Variants in SPATA6 observed in about 807,000 individuals in gnomAD.
SPATA6 encodes the protein spermatogenesis associated 6.
SPATA6 carries 56 observed loss-of-function variants against 65.3 expected under a neutral mutation model. The ratio of observed to expected loss-of-function variants is 0.86; its 90% confidence interval spans 0.69 to 1.07. The LOEUF (loss-of-function observed/expected upper bound fraction) is 1.07. Ranked by LOEUF, SPATA6 falls within the 50% of genes least tolerant of loss-of-function variation. The probability of loss-of-function intolerance (pLI) is 0.00; values close to 1 mark genes in which losing one functional copy is unlikely to be tolerated. For missense variants in SPATA6, 590 were observed against 594.8 expected, an observed-to-expected ratio of 0.99 and a Z score of 0.08; for synonymous variants, 199 against 213.2, an observed-to-expected ratio of 0.93 and a Z score of 0.58.
intron 1 of SPATA6, among the ~76,000 whole-genome samples, 197 bp downstream of exon 1, chr1:48,471,761 G>A (rs1658270977): frequency 6.6e-6 from 1 of 152,220 alleles, no homozygotes; most frequent in South Asian, 2.1e-4. Flanking sequence ...CGGAGCAGGG[G>A]TCAGGCCTCT....
chr1:48,316,821 A>C (rs932386859), intron 11 of SPATA6, among the ~76,000 whole-genome samples: 2 of 152,152 alleles, frequency 1.3e-5, no homozygotes, highest in Admixed American at 6.6e-5. Flanking sequence ...GCAATGAACT[A>C]AAACAAATTT....
At chr1:48,292,273 C>A (rs985681410), downstream of SPATA6, among the ~76,000 whole-genome samples, 5 of 152,188 alleles carry the variant, frequency 3.3e-5, no homozygotes, top group African/African-American at 1.2e-4. Context: ...GAGATGCCAA[C>A]TGCTGTAACC....
At chr1:48,360,049 G>C (rs1351412961) in intron 9 of SPATA6, among the ~76,000 whole-genome samples, 1 of 152,094 alleles carries the variant, frequency 6.6e-6, no homozygotes, top group African/African-American at 2.4e-5. Flanking sequence ...GGTTCGCATA[G>C]GGATGTGTGT....
At chr1:48,305,200 T>C (rs1645031876) in intron 12 of SPATA6, among the ~76,000 whole-genome samples, 1 of 152,214 alleles carries the variant, frequency 6.6e-6, no homozygotes, top group African/African-American at 2.4e-5. Flanking sequence ...GGAGCTTTGT[T>C]TCTTATGTTT....
chr1:48,465,777 C>A (rs78090886), intron 1 of SPATA6, among the ~76,000 whole-genome samples: 5,386 of 151,918 alleles, frequency 0.035, 310 homozygotes, highest in African/African-American at 0.12. Context: ...CATGATTTTC[C>A]AAAAAAAGTA....
In SPATA6 at chr1:48,453,102, G is replaced by T; in HGVS notation, c.81C>A (p.Asp27Glu). The change falls in exon 2 of 13, where the codon GAC becomes GAA. Residue 27 changes from aspartate (D) to glutamate (E), a missense_variant. By Grantham distance (45) the Asp-to-Glu change is conservative. Transcript: ENST00000371847. ...SVTCPGVVLK[D>E]KEDIYLSICV... ...AGATGCTAAGATAGATGTCCTCTTT[G>T]TCTTTAAGCACGACTCCTGGGCAAG... The T allele has an allele frequency of 6.2e-7, 1 of 1,613,116 alleles. No homozygotes were observed. Among genetic ancestry groups the T allele is most frequent in the Non-Finnish European group, 8.5e-7 (1 of 1,179,744 alleles).
intron 11 of SPATA6, among the ~76,000 whole-genome samples, chr1:48,349,929 G>A (rs1300949171): frequency 6.6e-6 from 1 of 151,862 alleles, no homozygotes; most frequent in Non-Finnish European, 1.5e-5. Flanking sequence ...AAATATTTGT[G>A]TACAAATTTT....
the SPATA6 span, among the ~76,000 whole-genome samples, chr1:48,278,996 T>TAC: frequency 1.3e-5 from 2 of 152,174 alleles, no homozygotes. Flanking sequence ...GCAGAAACTC[T>TAC]ACAAGCCAGA....
intron 11 of SPATA6, among the ~76,000 whole-genome samples, chr1:48,320,577 CT>C (rs1317945704): frequency 6.6e-6 from 1 of 152,198 alleles, no homozygotes; most frequent in Non-Finnish European, 1.5e-5. Context: ...AGCTGAGGGA[CT>C]TCGTCAACAG....
chr1:48,376,967 C>T (rs993390319), intron 9 of SPATA6, among the ~76,000 whole-genome samples: 10 of 152,124 alleles, frequency 6.6e-5, no homozygotes, highest in African/African-American at 2.2e-4. Flanking sequence ...TGTGGTCCAT[C>T]GCTGACCAAA....
At chr1:48,427,721 C>CT (rs1273916469) in intron 3 of SPATA6, among the ~76,000 whole-genome samples, 1 of 151,988 alleles carries the variant, frequency 6.6e-6, no homozygotes, top group Non-Finnish European at 1.5e-5. Flanking sequence ...CTCCATATAA[C>CT]TTTTTTTTAA....
chr1:48,303,339 C>A (rs1281337392), intron 12 of SPATA6, among the ~76,000 whole-genome samples: 3 of 152,012 alleles, frequency 2.0e-5, no homozygotes, highest in Non-Finnish European at 4.4e-5. Context: ...ACTATGGTCA[C>A]CCTACTGGGC....
At chr1:48,363,471 C>A (rs957571827) in intron 9 of SPATA6, among the ~76,000 whole-genome samples, 1 of 152,022 alleles carries the variant, frequency 6.6e-6, no homozygotes, top group South Asian at 2.1e-4. Flanking sequence ...TACCTATGAA[C>A]TGAAAACACA....
intron 11 of SPATA6, among the ~76,000 whole-genome samples, chr1:48,316,138 C>T (rs1424707860): frequency 6.6e-6 from 1 of 152,156 alleles, no homozygotes; most frequent in African/African-American, 2.4e-5. Context: ...ATGCCAACCC[C>T]ATCAAGCTAC....
intron 3 of SPATA6, among the ~76,000 whole-genome samples, chr1:48,420,879 T>A (rs1653261130): frequency 6.6e-6 from 1 of 152,178 alleles, no homozygotes; most frequent in Non-Finnish European, 1.5e-5. Context: ...AATCTTATCA[T>A]TTGCAATAAC....
intron 9 of SPATA6, among the ~76,000 whole-genome samples, chr1:48,373,285 A>G (rs544029243): frequency 2.4e-4 from 37 of 152,342 alleles, no homozygotes; most frequent in African/African-American, 7.2e-4. Context: ...TCTCAAGTTC[A>G]AAGTTCCACA....
intron 9 of SPATA6, among the ~76,000 whole-genome samples, chr1:48,372,002 T>C (rs2148862081): frequency 6.6e-6 from 1 of 152,302 alleles, no homozygotes; most frequent in Non-Finnish European, 1.5e-5. Context: ...GTGGGAATTC[T>C]GGGAGATACA....
intron 3 of SPATA6, among the ~76,000 whole-genome samples, chr1:48,418,264 A>AG (rs983889170): frequency 2.0e-5 from 3 of 152,164 alleles, no homozygotes; most frequent in Admixed American, 1.3e-4. Flanking sequence ...AATAAATGGA[A>AG]GAACAAAAAA....
intron 3 of SPATA6, among the ~76,000 whole-genome samples, chr1:48,422,425 C>T (rs531794564): frequency 6.6e-6 from 1 of 152,260 alleles, no homozygotes; most frequent in South Asian, 2.1e-4. Flanking sequence ...TATGGTCTCA[C>T]AGACTAGAAG....
Sources: gnomAD v4.1 joint callset for allele counts (sites outside exome capture counted in the v4.1 genomes callset) on GRCh38, gnomAD v4.1.1 for gene constraint, MANE v1.5 for transcripts, NCBI Gene and HGNC (gene_info 2026-07-23, HGNC 2026-07-21) for gene names.